The following LYPLAL1 variants were observed in gnomAD, a reference collection of about 807,000 sequenced individuals.
LYPLAL1 encodes the protein lysophospholipase like 1, also known as lysophospholipase-like protein 1.
In LYPLAL1, 23 loss-of-function variants were observed where a neutral mutation model predicts 19.7. The ratio of observed to expected loss-of-function variants is 1.17; its 90% confidence interval spans 0.84 to 1.65. The LOEUF (loss-of-function observed/expected upper bound fraction) is 1.65, where lower values mean the gene tolerates loss of function less well. LYPLAL1 is among the 40% of genes most tolerant of loss of function. The pLI, the probability that LYPLAL1 is intolerant of heterozygous loss-of-function variation, is 0.00. For missense variants in LYPLAL1, 355 were observed against 279.4 expected (o/e 1.27, Z -1.93); for synonymous variants, 119 against 96.3 (o/e 1.24, Z -1.38).
intron 1 of LYPLAL1, among the ~76,000 whole-genome samples, chr1:219,175,756 G>A (rs1655760945): frequency 6.6e-6 from 1 of 152,064 alleles, no homozygotes; most frequent in South Asian, 2.1e-4. Context: ...TTATCGTTGG[G>A]AGTAGGTCTT....
At chr1:219,229,103 A>G in the LYPLAL1 span, among the ~76,000 whole-genome samples, 1 of 152,038 alleles carries the variant, frequency 6.6e-6, no homozygotes, top group South Asian at 2.1e-4. Flanking sequence ...TAATTTGCCT[A>G]AAGTCACCTG....
At chr1:219,309,048 T>C in the LYPLAL1 span, among the ~76,000 whole-genome samples, 1 of 152,166 alleles carries the variant, frequency 6.6e-6, no homozygotes, top group Non-Finnish European at 1.5e-5. Flanking sequence ...CCCAAGACCA[T>C]GGGAACCCAC....
the LYPLAL1 span, among the ~76,000 whole-genome samples, chr1:219,244,091 CTAT>C: frequency 6.6e-6 from 1 of 151,960 alleles, no homozygotes; most frequent in African/African-American, 2.4e-5. Flanking sequence ...AATCAGAAAA[CTAT>C]CGATTTGAGC....
chr1:219,354,822 T>C, the LYPLAL1 span, among the ~76,000 whole-genome samples: 3 of 152,082 alleles, frequency 2.0e-5, no homozygotes, highest in Non-Finnish European at 4.4e-5. Context: ...ATAAAAAAAA[T>C]TGAAGAGTAC....
chr1:219,426,093 T>G, the LYPLAL1 span, among the ~76,000 whole-genome samples: 1 of 152,306 alleles, frequency 6.6e-6, no homozygotes, highest in East Asian at 1.9e-4. Context: ...TTAACATAAC[T>G]GACAACTGAG....
At chr1:219,408,792 A>G in the LYPLAL1 span, among the ~76,000 whole-genome samples, 1 of 152,170 alleles carries the variant, frequency 6.6e-6, no homozygotes, top group South Asian at 2.1e-4. Flanking sequence ...GGTGGTTGAG[A>G]AAAGGTCTAG....
the LYPLAL1 span, among the ~76,000 whole-genome samples, chr1:219,402,918 T>C: frequency 6.6e-6 from 1 of 152,198 alleles, no homozygotes. Flanking sequence ...CAGGAATCTA[T>C]TTCTTTCTTG....
At chr1:219,337,472 T>C in the LYPLAL1 span, among the ~76,000 whole-genome samples, 2,040 of 152,150 alleles carry the variant, frequency 0.013, 47 homozygotes, top group African/African-American at 0.045. Flanking sequence ...ATTCTGTTTC[T>C]TGTATTTCAT....
the LYPLAL1 span, among the ~76,000 whole-genome samples, chr1:219,275,409 TTAAC>T: frequency 1.3e-5 from 2 of 152,186 alleles, no homozygotes; most frequent in Non-Finnish European, 2.9e-5. Flanking sequence ...GACATGATGA[TTAAC>T]TAAATGCACA....
At chr1:219,179,817 G>A (rs1656125166) in intron 2 of LYPLAL1, among the ~76,000 whole-genome samples, 1 of 152,130 alleles carries the variant, frequency 6.6e-6, no homozygotes, top group Non-Finnish European at 1.5e-5. Context: ...CTATAGTTTT[G>A]AGGTCAAACT....
the LYPLAL1 span, among the ~76,000 whole-genome samples, chr1:219,299,408 A>G: frequency 0.097 from 14,837 of 152,218 alleles, 806 homozygotes; most frequent in African/African-American, 0.11. Flanking sequence ...AGAAGGTATC[A>G]TATGAAATAA....
the LYPLAL1 span, among the ~76,000 whole-genome samples, chr1:219,360,118 G>C: frequency 6.6e-6 from 1 of 152,162 alleles, no homozygotes; most frequent in African/African-American, 2.4e-5. Flanking sequence ...AAATCCAAGA[G>C]AGCATTATGC....
At chr1:219,194,157 G>T (rs1176066177) in intron 3 of LYPLAL1, among the ~76,000 whole-genome samples, 2 of 151,762 alleles carry the variant, frequency 1.3e-5, no homozygotes. Flanking sequence ...AAGCAGCGTG[G>T]CCTCTAGCAT....
At chr1:219,317,735 T>A in the LYPLAL1 span, among the ~76,000 whole-genome samples, 1 of 152,236 alleles carries the variant, frequency 6.6e-6, no homozygotes, top group Non-Finnish European at 1.5e-5. Context: ...AAATGCTTGG[T>A]TTAATCCTGA....
the LYPLAL1 span, among the ~76,000 whole-genome samples, chr1:219,402,718 A>C: frequency 6.6e-6 from 1 of 152,168 alleles, no homozygotes; most frequent in African/African-American, 2.4e-5. Context: ...TAAGATTAAG[A>C]AGTACTGAAA....
the LYPLAL1 span, among the ~76,000 whole-genome samples, chr1:219,302,046 G>A: frequency 1.3e-5 from 2 of 152,130 alleles, no homozygotes; most frequent in African/African-American, 4.8e-5. Context: ...TCTGGAACAA[G>A]CAAAAAGGGG....
the LYPLAL1 span, among the ~76,000 whole-genome samples, chr1:219,256,449 C>T: frequency 6.7e-6 from 1 of 148,210 alleles, no homozygotes; most frequent in African/African-American, 2.5e-5. Flanking sequence ...TCTTTTCTTT[C>T]TCCCTTCCTT....
At chr1:219,434,939 G>A in the LYPLAL1 span, among the ~76,000 whole-genome samples, 7 of 151,716 alleles carry the variant, frequency 4.6e-5, no homozygotes, top group African/African-American at 1.7e-4. Flanking sequence ...GGTCCAGCTT[G>A]TCTGGACCCC....
chr1:219,316,131 A>T, the LYPLAL1 span, among the ~76,000 whole-genome samples: 1 of 152,182 alleles, frequency 6.6e-6, no homozygotes, highest in Non-Finnish European at 1.5e-5. Context: ...TATTAGCAAA[A>T]TTAAGATCAT....
Sources: gnomAD v4.1 joint callset for allele counts (sites outside exome capture counted in the v4.1 genomes callset) on GRCh38, gnomAD v4.1.1 for gene constraint, MANE v1.5 for transcripts, NCBI Gene and HGNC (gene_info 2026-07-23, HGNC 2026-07-21) for gene names.